ARID1A: variants seen among roughly 807,000 people sequenced by gnomAD.
The protein encoded by ARID1A is AT-rich interactive domain-containing protein 1A.
ARID1A carries 20 observed loss-of-function variants against 212.6 expected under a neutral mutation model. The ratio of observed to expected loss-of-function variants is 0.09; its 90% CI spans 0.07 to 0.14. The LOEUF is 0.14. Ranked by LOEUF, ARID1A falls within the 10% of genes least tolerant of loss-of-function variation. The probability of loss-of-function intolerance (pLI) is 1.00; values close to 1 mark genes in which losing one functional copy is unlikely to be tolerated. For synonymous variants in ARID1A, 1,376 were observed against 1,222.1 expected, an observed-to-expected ratio of 1.13 and a Z score of -2.63; for missense variants, 2,587 against 3,059.0, an observed-to-expected ratio of 0.85 and a Z score of 3.64.
At position 26,760,979 on chromosome 1, in the gene ARID1A, TCTC is replaced by T; in HGVS notation, c.2048_2050del (p.Pro683del). Reference sequence around the variant, plus strand: ...GAGTAATCCAGCTCAGTCTCCTTTCTCTCCTCATACCTCCCCTCACCTGCCTGG... The same window carrying T: ...GAGTAATCCAGCTCAGTCTCCTTTCTCTCATACCTCCCCTCACCTGCCTGG... On this transcript the variant is annotated inframe_deletion, in exon 5 of 20. Transcript: ENST00000324856. 1 of 1,614,052 alleles carries T rather than the reference TCTC, an allele frequency of 6.2e-7. No individual in the cohort carries two copies. Among genetic ancestry groups the T allele is most frequent in the Non-Finnish European group, 8.5e-7 (1 of 1,180,012 alleles).
At chr1:26,731,057 C>G in intron 2 of ARID1A, 95 bp from the exon 3 acceptor site, 1 of 1,332,010 alleles carries the variant, frequency 7.5e-7, no homozygotes. Flanking sequence ...TGCTTGCTTT[C>G]TATACTCATC....
intron 4 of ARID1A, among the ~76,000 whole-genome samples, chr1:26,759,249 C>A (rs1016437657): frequency 6.6e-6 from 1 of 152,144 alleles, no homozygotes; most frequent in Non-Finnish European, 1.5e-5. Flanking sequence ...GTTACCTATG[C>A]TGGAGTGCAG....
At chr1:26,775,305 G>A in intron 18 of ARID1A, 85 bp downstream of exon 18, 1 of 1,491,292 alleles carries the variant, frequency 6.7e-7, no homozygotes. Context: ...TTCTGGATGA[G>A]GTTGAATCTG....
At position 26,779,361 on chromosome 1, in the gene ARID1A, T is replaced by C. The variant is rs1353555384; in HGVS notation, c.5463T>C (p.Asp1821=). The C allele has an allele frequency of 1.2e-6, 2 of 1,614,222 alleles. No individual in the cohort carries two copies. The highest frequency in any genetic ancestry group is 3.3e-5 in the Admixed American group (2 of 60,024). The change falls in exon 20 of 20, where the codon GAT becomes GAC. Residue 1821 remains aspartate, a synonymous_variant. Transcript: ENST00000324856. ...KLPVKIVQKN[D]PFVVDCSDKL... is the part of the protein sequence containing the mutation. ...CAGTAAAGATCGTACAGAAGAATGA[T>C]CCATTTGTGGTGGACTGCTCAGATA... is the stretch of plus-strand genomic sequence containing the variant.
At chr1:26,744,372 T>C (rs2080816792) in intron 4 of ARID1A, among the ~76,000 whole-genome samples, 1 of 152,250 alleles carries the variant, frequency 6.6e-6, no homozygotes, top group Non-Finnish European at 1.5e-5. Flanking sequence ...CTGGAACCTT[T>C]TGTTTCCTTC....
In ARID1A at chr1:26,762,983, C is replaced by T. The variant is rs1387811357; in HGVS notation, c.2430C>T (p.Pro810=). 1 of 1,585,644 alleles carries T rather than the reference C, an allele frequency of 6.3e-7. No homozygotes were observed. The highest frequency in any genetic ancestry group is 8.6e-7 in the Non-Finnish European group (1 of 1,157,700). Residue 810 remains proline (P), a synonymous_variant, in exon 8 of 20, where the codon CCC becomes CCT. Transcript: ENST00000324856. ...GGQYGPQGGY[P]RQPNYNALPN... is the part of the protein sequence containing the mutation. ...TTCCTCCCCTCCCAGGTGGCTACCC[C>T]AGGCAGCCAAACTATAATGCCTTGC...
chr1:26,722,525 G>C (rs1189128700), intron 1 of ARID1A, among the ~76,000 whole-genome samples: 1 of 152,218 alleles, frequency 6.6e-6, no homozygotes, highest in African/African-American at 2.4e-5. Context: ...GATTACATGC[G>C]TGAGTCACTG....
At chr1:26,738,310 A>G (rs779590252) in intron 4 of ARID1A, among the ~76,000 whole-genome samples, 1 of 152,122 alleles carries the variant, frequency 6.6e-6, no homozygotes, top group Admixed American at 6.6e-5. Context: ...GCCATGAGCC[A>G]CGGTGCCCAG....
At chr1:26,743,879 G>T (rs754441117) in intron 4 of ARID1A, among the ~76,000 whole-genome samples, 12 of 152,218 alleles carry the variant, frequency 7.9e-5, no homozygotes, top group Non-Finnish European at 1.2e-4. Context: ...AGGAGAGAGG[G>T]CCCACAGTCC....
chr1:26,751,224 CAGCCTG>C (rs1444539946), intron 4 of ARID1A, among the ~76,000 whole-genome samples: 1 of 151,856 alleles, frequency 6.6e-6, no homozygotes, highest in Non-Finnish European at 1.5e-5. Context: ...CACTGCACTC[CAGCCTG>C]GAGGACAGGG....
At chr1:26,730,460 T>G (rs150288354) in intron 2 of ARID1A, among the ~76,000 whole-genome samples, 68 of 152,376 alleles carry the variant, frequency 4.5e-4, no homozygotes, top group African/African-American at 1.3e-3. Context: ...TGAGTGATAC[T>G]CATACTGAAA....
intron 1 of ARID1A, among the ~76,000 whole-genome samples, chr1:26,708,851 C>T (rs1047891430): frequency 6.6e-6 from 1 of 151,876 alleles, no homozygotes; most frequent in African/African-American, 2.4e-5. Context: ...CCCGCCACCA[C>T]GCCCGGCTAA....
chr1:26,726,236 G>T (rs1178399499), intron 1 of ARID1A, among the ~76,000 whole-genome samples: 2 of 144,730 alleles, frequency 1.4e-5, no homozygotes, highest in African/African-American at 2.6e-5. Context: ...GCAGTGGCTC[G>T]ATCTCGGCTC....
At chr1:26,738,131 C>G (rs751571632) in intron 4 of ARID1A, among the ~76,000 whole-genome samples, 8 of 151,696 alleles carry the variant, frequency 5.3e-5, no homozygotes, top group Non-Finnish European at 1.2e-4. Flanking sequence ...TCAAACGATT[C>G]TCCTGCCTCA....
intron 1 of ARID1A, among the ~76,000 whole-genome samples, chr1:26,720,080 G>A (rs895656951): frequency 7.3e-5 from 11 of 150,736 alleles, no homozygotes; most frequent in African/African-American, 2.4e-5. Context: ...GTGAAACCCC[G>A]TTGCTACTAA....
chr1:26,705,073 C>T (rs1243846399), intron 1 of ARID1A, among the ~76,000 whole-genome samples: 1 of 152,032 alleles, frequency 6.6e-6, no homozygotes, highest in African/African-American at 2.4e-5. Context: ...ATGTCCAGTG[C>T]CAGGCCACTG....
At chr1:26,727,301 T>C (rs1279775095) in intron 1 of ARID1A, among the ~76,000 whole-genome samples, 4 of 152,200 alleles carry the variant, frequency 2.6e-5, no homozygotes, top group Non-Finnish European at 5.9e-5. Context: ...TTTGGAACTA[T>C]TATTGACCAG....
rs923663579 is a variant in ARID1A, at chr1:26,763,077, C to G, written c.2524C>G (p.His842Asp). The G allele has an allele frequency of 6.2e-7, 1 of 1,614,260 alleles. No individual in the cohort carries two copies. Among genetic ancestry groups the G allele is most frequent in the Non-Finnish European group, 8.5e-7 (1 of 1,180,044 alleles). Residue 842 changes from histidine (H) to aspartate (D), a missense_variant, in exon 8 of 20, where the codon CAT (histidine) becomes GAT (aspartate). By Grantham distance (81) the His-to-Asp change is moderately conservative. This residue lies in a region of ARID1A where 674 missense variants were observed against 813.4 expected (regional missense o/e 0.83). Coordinates refer to ENST00000324856, the MANE Select transcript of ARID1A (RefSeq NM_006015.6). ...INPMGAGGQM[H>D]GQPGIPPYGT... is the part of the protein sequence containing the mutation. ...CCCCATGGGTGCCGGAGGTCAAATG[C>G]ATGGACAGCCTGGCATCCCACCTTA...
intron 4 of ARID1A, among the ~76,000 whole-genome samples, chr1:26,736,946 C>CA (rs1433345475): frequency 6.7e-6 from 1 of 148,194 alleles, no homozygotes; most frequent in Non-Finnish European, 1.5e-5. Flanking sequence ...ATAAGGCCTA[C>CA]AAAAACTATA....
Sources: allele counts gnomAD v4.1 joint callset (sites outside exome capture counted in the v4.1 genomes callset), GRCh38; gene constraint gnomAD v4.1.1; regional missense constraint gnomAD v4.1.1; transcripts MANE v1.5; gene names NCBI Gene and HGNC (gene_info 2026-07-23, HGNC 2026-07-21).